The following MGAT4C variants were observed in gnomAD, a reference collection of about 807,000 sequenced individuals.
The protein encoded by MGAT4C is MGAT4 family member C, also known as alpha-1,3-mannosyl-glycoprotein 4-beta-N-acetylglucosaminyltransferase C.
A neutral mutation model predicts 40.1 loss-of-function variants in MGAT4C; 19 were observed. The observed-to-expected ratio is 0.47, with a 90% CI of 0.33 to 0.70. The LOEUF (loss-of-function observed/expected upper bound fraction) is 0.70, where lower values mean the gene tolerates loss of function less well. Ranked by LOEUF, MGAT4C falls within the 30% of genes least tolerant of loss-of-function variation. The pLI, the probability that MGAT4C is intolerant of heterozygous loss-of-function variation, is 0.02. For synonymous variants in MGAT4C, 181 were observed against 187.1 expected (o/e 0.97, Z 0.27); for missense variants, 491 against 563.2 (o/e 0.87, Z 1.30).
intron 4 of MGAT4C, among the ~76,000 whole-genome samples, chr12:86,292,864 T>G (rs1167188607): frequency 6.6e-6 from 1 of 151,842 alleles, no homozygotes; most frequent in Non-Finnish European, 1.5e-5. Context: ...AACCTGCAAC[T>G]TTGGGACTTC....
At chr12:86,678,301 C>T (rs1357906176) in intron 2 of MGAT4C, among the ~76,000 whole-genome samples, 1 of 152,094 alleles carries the variant, frequency 6.6e-6, no homozygotes, top group Non-Finnish European at 1.5e-5. Context: ...CCTTATTCCA[C>T]CCCTACATGT....
At chr12:86,174,158 C>CAG (rs1460469907) in intron 1 of MGAT4C, among the ~76,000 whole-genome samples, 1 of 146,480 alleles carries the variant, frequency 6.8e-6, no homozygotes, top group East Asian at 1.9e-4. Context: ...CACACACACA[C>CAG]AGAATAAAAA....
chr12:86,333,720 A>T (rs1181121501), intron 4 of MGAT4C, among the ~76,000 whole-genome samples: 1 of 152,094 alleles, frequency 6.6e-6, no homozygotes, highest in African/African-American at 2.4e-5. Flanking sequence ...AAATTATGTT[A>T]AAAAAAGGCA....
At chr12:86,287,196 C>A (rs937129574) in intron 4 of MGAT4C, among the ~76,000 whole-genome samples, 9 of 152,006 alleles carry the variant, frequency 5.9e-5, no homozygotes, top group African/African-American at 1.7e-4. Context: ...TTTACATTCC[C>A]ACCCTACACA....
At chr12:86,687,331 T>C (rs532105685) in intron 2 of MGAT4C, among the ~76,000 whole-genome samples, 1 of 152,284 alleles carries the variant, frequency 6.6e-6, no homozygotes, top group South Asian at 2.1e-4. Context: ...CGTGTCTCTA[T>C]CTCCTTCAGT....
rs139677214 is a variant in MGAT4C, at chr12:86,057,631, T to G, written c.-56-7908A>C. 3.8e-3 allele frequency among the ~76,000 whole-genome samples: 572 copies of G among 152,244 alleles called. 3 individuals are homozygous for G. The highest frequency in any genetic ancestry group is 0.012 in the African/African-American group (514 of 41,564). ...AGCAATATTGGTCTCTCTCTCTTCTTGGGACTTCAATTAGAGGACTAAGTC... is the reference window on the plus strand; with the variant it reads ...AGCAATATTGGTCTCTCTCTCTTCTGGGGACTTCAATTAGAGGACTAAGTC... On this transcript the variant is annotated intron_variant, in intron 1 of 4. Coordinates refer to ENST00000611864, the MANE Select transcript of MGAT4C (RefSeq NM_001351288.2).
intron 1 of MGAT4C, among the ~76,000 whole-genome samples, chr12:86,241,807 T>C (rs1435506742): frequency 6.6e-6 from 1 of 152,160 alleles, no homozygotes; most frequent in Non-Finnish European, 1.5e-5. Context: ...GTTAACCATG[T>C]GTCAAAAGGC....
chr12:86,603,667 A>C (rs1468799559), intron 2 of MGAT4C, among the ~76,000 whole-genome samples: 3 of 128,318 alleles, frequency 2.3e-5, no homozygotes, highest in Non-Finnish European at 3.2e-5. Context: ...TCTATATTAT[A>C]TATAGTATAT....
chr12:86,634,775 G>T (rs985292309), intron 2 of MGAT4C, among the ~76,000 whole-genome samples: 1 of 152,084 alleles, frequency 6.6e-6, no homozygotes, highest in Admixed American at 6.6e-5. Flanking sequence ...ATTCCTGTCT[G>T]CAAAATGGAA....
At chr12:86,188,733 TAACTGCTGATA>T (rs898734338) in intron 1 of MGAT4C, among the ~76,000 whole-genome samples, 15 of 151,918 alleles carry the variant, frequency 9.9e-5, no homozygotes, top group Non-Finnish European at 2.1e-4. Flanking sequence ...GTTAACTCCC[TAACTGCTGATA>T]AAGAGCAAGG....
chr12:86,006,248 C>T (rs1887861162), intron 2 of MGAT4C, among the ~76,000 whole-genome samples: 2 of 152,128 alleles, frequency 1.3e-5, no homozygotes, highest in South Asian at 4.1e-4. Context: ...CTGCCATCCC[C>T]ACTTCCCTAT....
At chr12:86,487,851 A>G (rs563561352) in intron 2 of MGAT4C, among the ~76,000 whole-genome samples, 2 of 149,480 alleles carry the variant, frequency 1.3e-5, no homozygotes, top group East Asian at 3.9e-4. Context: ...GTTTTTACAT[A>G]AATAAACATT....
chr12:86,574,309 A>C (rs1187013955), intron 2 of MGAT4C, among the ~76,000 whole-genome samples: 1 of 151,796 alleles, frequency 6.6e-6, no homozygotes, highest in African/African-American at 2.4e-5. Flanking sequence ...GAAAACTTCA[A>C]GTTCATCACT....
intron 1 of MGAT4C, among the ~76,000 whole-genome samples, chr12:86,089,114 C>T (rs1177997793): frequency 6.6e-6 from 1 of 151,804 alleles, no homozygotes; most frequent in Admixed American, 6.6e-5. Context: ...AGACAAACCT[C>T]AGCAAAATTA....
intron 3 of MGAT4C, among the ~76,000 whole-genome samples, chr12:86,365,622 C>A (rs574291048): frequency 6.6e-6 from 1 of 151,800 alleles, no homozygotes; most frequent in Non-Finnish European, 1.5e-5. Flanking sequence ...CATTCTTCTG[C>A]CTTGGCTTCA....
intron 2 of MGAT4C, among the ~76,000 whole-genome samples, chr12:86,005,067 G>A (rs1203761323): frequency 6.6e-6 from 1 of 152,090 alleles, no homozygotes; most frequent in East Asian, 1.9e-4. Context: ...ATCACACCTC[G>A]TTACCCTCTG....
intron 2 of MGAT4C, among the ~76,000 whole-genome samples, chr12:86,595,855 A>T (rs1235361807): frequency 6.6e-6 from 1 of 151,938 alleles, no homozygotes; most frequent in African/African-American, 2.4e-5. Flanking sequence ...GTCACCACAA[A>T]GTTATAAAAT....
At chr12:86,364,736 T>C (rs10745413) in intron 3 of MGAT4C, among the ~76,000 whole-genome samples, 111,408 of 151,958 alleles carry the variant, frequency 0.73, 41,063 homozygotes, top group East Asian at 0.91. Context: ...TGGCAGGTTC[T>C]GTGATGCCCC....
At chr12:86,835,024 T>A (rs1953008414) in intron 1 of MGAT4C, among the ~76,000 whole-genome samples, 1 of 151,922 alleles carries the variant, frequency 6.6e-6, no homozygotes, top group Non-Finnish European at 1.5e-5. Flanking sequence ...ACTTTTTGTG[T>A]TAATATTTGG....
Sources: allele counts gnomAD v4.1 joint callset (sites outside exome capture counted in the v4.1 genomes callset), GRCh38; gene constraint gnomAD v4.1.1; transcripts MANE v1.5; gene names NCBI Gene and HGNC (gene_info 2026-07-23, HGNC 2026-07-21).